Variants in CNGB3 observed in about 807,000 individuals in gnomAD.
CNGB3 encodes the protein cyclic nucleotide-gated channel beta-3.
CNGB3 carries 86 observed loss-of-function variants against 92.8 expected under a neutral mutation model. The observed-to-expected ratio is 0.93, with a 90% CI of 0.78 to 1.11. CNGB3 has a LOEUF of 1.11. Among genes scored for constraint, CNGB3 ranks in the 50% least tolerant of loss-of-function variants. The probability of loss-of-function intolerance (pLI) is 0.00; values close to 1 mark genes in which losing one functional copy is unlikely to be tolerated. For missense variants in CNGB3, 1,026 were observed against 956.8 expected (o/e 1.07, Z -0.95); for synonymous variants, 333 against 332.7 (o/e 1.00, Z -0.01).
In CNGB3 at chr8:86,726,059, T is replaced by G. The variant is rs554000303; in HGVS notation, c.338+472A>C. ...TGTTCCTTCAGTGGCATAAAGATGT[T>G]CCAGTTCTGTAATTATTCCTGGTTA... On this transcript the variant is annotated intron_variant, in intron 3 of 17. Coordinates refer to ENST00000320005, the MANE Select transcript of CNGB3 (RefSeq NM_019098.5). Among the ~76,000 whole-genome samples, 9 of 152,298 alleles carry G rather than the reference T, an allele frequency of 5.9e-5. No individual in the cohort carries two copies. In the South Asian group the frequency reaches 1.9e-3, roughly 32 times the overall value.
At chr8:86,602,897 A>G (rs1166232396) in intron 15 of CNGB3, among the ~76,000 whole-genome samples, 1 of 152,140 alleles carries the variant, frequency 6.6e-6, no homozygotes, top group Non-Finnish European at 1.5e-5. Context: ...TCATGGCGTA[A>G]AAGACCATGT....
chr8:86,644,724 G>A (rs756953486), intron 8 of CNGB3, 38 bp from the exon 9 acceptor site: 1 of 1,303,106 alleles, frequency 7.7e-7, no homozygotes, highest in Non-Finnish European at 1.0e-6. Context: ...AAGCATGTTA[G>A]TCTTAAATAT....
intron 3 of CNGB3, among the ~76,000 whole-genome samples, chr8:86,701,679 C>T (rs1332683837): frequency 1.3e-5 from 2 of 152,148 alleles, no homozygotes; most frequent in Non-Finnish European, 2.9e-5. Context: ...ATATTTAAAA[C>T]ATAGCTCTCT....
chr8:86,603,949 A>G (rs1444561185), intron 15 of CNGB3, 144 bp downstream of exon 15: 1 of 653,188 alleles, frequency 1.5e-6, no homozygotes, highest in East Asian at 2.8e-5. Context: ...GGGATGAATA[A>G]AAATATGAAA....
chr8:86,720,171 T>C (rs1824938538), intron 3 of CNGB3, among the ~76,000 whole-genome samples: 1 of 152,108 alleles, frequency 6.6e-6, no homozygotes. Flanking sequence ...CTAAAAAGCT[T>C]TTGCACAGCA....
At chr8:86,716,091 A>G (rs1824848570) in intron 3 of CNGB3, among the ~76,000 whole-genome samples, 1 of 152,156 alleles carries the variant, frequency 6.6e-6, no homozygotes, top group East Asian at 1.9e-4. Context: ...AATGCACTAG[A>G]AAGTCTCAGC....
chr8:86,598,226 G>T (rs993680993), intron 15 of CNGB3, among the ~76,000 whole-genome samples: 3 of 152,192 alleles, frequency 2.0e-5, no homozygotes, highest in Non-Finnish European at 4.4e-5. Context: ...GCAGAGTGGA[G>T]ACTGATTGTG....
intron 5 of CNGB3, 43 bp from the exon 6 acceptor site, chr8:86,667,176 AAC>A: frequency 6.5e-7 from 1 of 1,541,552 alleles, no homozygotes; most frequent in Non-Finnish European, 8.9e-7. Context: ...ACATAGAACA[AAC>A]ACAGAAAGAA....
intron 6 of CNGB3, chr8:86,660,117 C>A: frequency 3.2e-6 from 1 of 313,916 alleles, no homozygotes; most frequent in Non-Finnish European, 6.6e-6. Flanking sequence ...ATGGTCTTTG[C>A]ACATATCCTC....
intron 15 of CNGB3, among the ~76,000 whole-genome samples, chr8:86,599,051 G>T (rs1328601558): frequency 3.9e-5 from 6 of 152,170 alleles, no homozygotes; most frequent in Admixed American, 6.5e-5. Flanking sequence ...ACCAGTGAAG[G>T]TTTGTTGCAG....
At chr8:86,640,945 C>T (rs941175627) in intron 10 of CNGB3, among the ~76,000 whole-genome samples, 44 of 151,922 alleles carry the variant, frequency 2.9e-4, no homozygotes, top group African/African-American at 9.9e-4. Context: ...GGCTGCCTTC[C>T]CAGGAGGTTA....
intron 3 of CNGB3, among the ~76,000 whole-genome samples, chr8:86,696,915 A>G (rs1396206296): frequency 2.0e-5 from 3 of 152,212 alleles, no homozygotes; most frequent in East Asian, 3.8e-4. Context: ...ATATAAAATA[A>G]TGAGTTATAG....
At chr8:86,591,761 T>G (rs559340487) in intron 15 of CNGB3, among the ~76,000 whole-genome samples, 3 of 152,146 alleles carry the variant, frequency 2.0e-5, no homozygotes, top group Non-Finnish European at 4.4e-5. Context: ...GACAGGGACA[T>G]TTAAGTCTGC....
In CNGB3 at chr8:86,604,160, G is replaced by A. The variant is rs771889150; in HGVS notation, c.1714C>T (p.Leu572Phe). ...YIIKHGEVQV[L>F]GGPDGTKVLV... Reference sequence around the variant, plus strand: ...ACTTTAGTACCATCAGGGCCTCCAAGAACTTGGACTTCTCCATGCTTGATG... The same window carrying A: ...ACTTTAGTACCATCAGGGCCTCCAAAAACTTGGACTTCTCCATGCTTGATG... Residue 572 changes from leucine to phenylalanine, a missense_variant, in exon 15 of 18, where the codon CTT becomes TTT. Transcript: ENST00000320005. 1 of 1,613,662 alleles carries A rather than the reference G, an allele frequency of 6.2e-7. No individual in the cohort carries two copies.
At chr8:86,726,699 C>T (rs769569778) in intron 2 of CNGB3, 42 bp from the exon 3 acceptor site, 3 of 1,609,356 alleles carry the variant, frequency 1.9e-6, no homozygotes, top group Non-Finnish European at 1.7e-6. Context: ...ATGTACAACA[C>T]TCTTGACCCA....
chr8:86,729,503 T>C (rs781255289), intron 2 of CNGB3, among the ~76,000 whole-genome samples: 3 of 152,246 alleles, frequency 2.0e-5, no homozygotes, highest in Non-Finnish European at 4.4e-5. Flanking sequence ...GGGATATTTA[T>C]AAATTAATTT....
At chr8:86,711,086 G>A (rs1199390034) in intron 3 of CNGB3, among the ~76,000 whole-genome samples, 1 of 152,110 alleles carries the variant, frequency 6.6e-6, no homozygotes, top group Admixed American at 6.6e-5. Flanking sequence ...GATATTGGAG[G>A]TTTTTTGAAT....
chr8:86,618,768 C>T (rs1403595917), intron 13 of CNGB3, among the ~76,000 whole-genome samples: 1 of 152,364 alleles, frequency 6.6e-6, no homozygotes, highest in East Asian at 1.9e-4. Flanking sequence ...TGTAGTCTCA[C>T]TCTCACGTTC....
intron 3 of CNGB3, among the ~76,000 whole-genome samples, chr8:86,717,752 A>C (rs932035390): frequency 6.6e-6 from 1 of 152,192 alleles, no homozygotes; most frequent in African/African-American, 2.4e-5. Flanking sequence ...AAGATAGATC[A>C]CATGATAGAC....
Sources: gnomAD v4.1 joint callset for allele counts (sites outside exome capture counted in the v4.1 genomes callset) on GRCh38, gnomAD v4.1.1 for gene constraint, MANE v1.5 for transcripts, NCBI Gene and HGNC (gene_info 2026-07-23, HGNC 2026-07-21) for gene names.